Variants in TMEM131 observed in about 807,000 individuals in gnomAD.
The protein encoded by TMEM131 is transmembrane protein 131.
TMEM131 carries 66 observed loss-of-function variants against 211.6 expected under a neutral mutation model. The observed-to-expected ratio is 0.31, with a 90% CI of 0.26 to 0.38. TMEM131 has a LOEUF of 0.38. Ranked by LOEUF, TMEM131 falls within the 10% of genes least tolerant of loss-of-function variation. The pLI, the probability that TMEM131 is intolerant of heterozygous loss-of-function variation, is 1.00. For missense variants in TMEM131, 2,036 were observed against 2,299.3 expected (o/e 0.89, Z 2.34); for synonymous variants, 844 against 841.3 (o/e 1.00, Z -0.06).
chr2:97,805,321 A>G, intron 21 of TMEM131, 55 bp downstream of exon 21: 7 of 1,588,068 alleles, frequency 4.4e-6, no homozygotes, highest in Middle Eastern at 3.3e-4. Context: ...GCCTCTTACT[A>G]AAAGAGTATT....
At chr2:97,917,496 T>G (rs1345667417) in intron 2 of TMEM131, among the ~76,000 whole-genome samples, 1 of 152,220 alleles carries the variant, frequency 6.6e-6, no homozygotes, top group East Asian at 1.9e-4. Flanking sequence ...GCTAACCATC[T>G]GCATTAGTCT....
At chr2:97,819,048 G>A (rs1317565246) in intron 11 of TMEM131, among the ~76,000 whole-genome samples, 1 of 152,156 alleles carries the variant, frequency 6.6e-6, no homozygotes, top group East Asian at 1.9e-4. Context: ...ACCAGTGGAG[G>A]CGACATGAAA....
rs535570855 is a variant in TMEM131, at chr2:97,892,549, T to A, written c.291-4429A>T. 3.3e-3 allele frequency among the ~76,000 whole-genome samples: 495 copies of A among 152,170 alleles called. 4 individuals carry two copies. The highest frequency in any genetic ancestry group is 5.1e-3 in the Non-Finnish European group (347 of 68,000). ...CTAATTTATTATTATTTTTTGTAGA[T>A]ACAGGGTGTCACTATGTTCCCCAGG... On this transcript the variant is annotated intron_variant, in intron 3 of 40. Coordinates refer to ENST00000186436, the MANE Select transcript of TMEM131 (RefSeq NM_015348.2).
At chr2:97,840,092 G>A (rs1339342241) in intron 7 of TMEM131, among the ~76,000 whole-genome samples, 2 of 152,240 alleles carry the variant, frequency 1.3e-5, no homozygotes, top group East Asian at 1.9e-4. Context: ...AAGGGTAAGA[G>A]TGTCTTCCCA....
intron 4 of TMEM131, among the ~76,000 whole-genome samples, chr2:97,872,508 C>T (rs776356812): frequency 2.0e-5 from 3 of 152,274 alleles, no homozygotes; most frequent in South Asian, 2.1e-4. Flanking sequence ...CTCCAGTCTG[C>T]GGCTCCCAGC....
chr2:97,789,592 C>T (rs1241243272), intron 31 of TMEM131, among the ~76,000 whole-genome samples: 1 of 152,186 alleles, frequency 6.6e-6, no homozygotes, highest in African/African-American at 2.4e-5. Context: ...AGAACGTGGC[C>T]TCAGGACGCC....
intron 33 of TMEM131, among the ~76,000 whole-genome samples, chr2:97,771,916 G>A (rs887220198): frequency 6.6e-6 from 1 of 152,170 alleles, no homozygotes; most frequent in Non-Finnish European, 1.5e-5. Context: ...TTAACAATTC[G>A]ACAGACTCAG....
intron 1 of TMEM131, among the ~76,000 whole-genome samples, chr2:97,981,415 C>T (rs1679791373): frequency 6.6e-6 from 1 of 152,122 alleles, no homozygotes; most frequent in Non-Finnish European, 1.5e-5. Flanking sequence ...AACTTCTTTC[C>T]ATTAAGGTTG....
chr2:97,939,758 G>T, intron 1 of TMEM131, among the ~76,000 whole-genome samples: 1 of 152,182 alleles, frequency 6.6e-6, no homozygotes, highest in South Asian at 2.1e-4. Context: ...GATGAACATC[G>T]ATGCAAAATC....
intron 1 of TMEM131, among the ~76,000 whole-genome samples, chr2:97,991,256 A>T (rs1680250198): frequency 6.6e-6 from 1 of 152,232 alleles, no homozygotes; most frequent in African/African-American, 2.4e-5. Context: ...GTAGCTAACA[A>T]GGCAGTACAC....
chr2:97,936,738 T>C (rs1490531347), intron 1 of TMEM131, among the ~76,000 whole-genome samples: 1 of 152,174 alleles, frequency 6.6e-6, no homozygotes, highest in East Asian at 1.9e-4. Flanking sequence ...TATATGTTAG[T>C]TGTCCAGTTT....
At chr2:97,931,832 T>C (rs1481210396) in intron 1 of TMEM131, among the ~76,000 whole-genome samples, 1 of 152,222 alleles carries the variant, frequency 6.6e-6, no homozygotes, top group African/African-American at 2.4e-5. Flanking sequence ...AGCATGCTGT[T>C]GTTATGGCTG....
At chr2:97,918,964 T>C (rs745963137) in intron 2 of TMEM131, among the ~76,000 whole-genome samples, 16 of 152,194 alleles carry the variant, frequency 1.1e-4, no homozygotes, top group Non-Finnish European at 1.5e-4. Flanking sequence ...ATTCACGTGA[T>C]GGGAAAGTGA....
chr2:97,869,756 T>C (rs1441901138), intron 4 of TMEM131, among the ~76,000 whole-genome samples: 1 of 152,190 alleles, frequency 6.6e-6, no homozygotes, highest in Non-Finnish European at 1.5e-5. Flanking sequence ...ATCTAGACCA[T>C]GGAAAGTACA....
chr2:97,809,737 C>T lies in TMEM131; in HGVS notation c.2006G>A (p.Gly669Asp). 1 of 1,609,590 alleles carries T rather than the reference C, an allele frequency of 6.2e-7. No homozygotes were observed. Among genetic ancestry groups the T allele is most frequent in the Non-Finnish European group, 8.5e-7 (1 of 1,177,980 alleles). Residue 669 changes from glycine (G) to aspartate (D), a missense_variant, in exon 19 of 41, where the codon GGC becomes GAC. By Grantham distance (94) the Gly-to-Asp change is moderately conservative. Around this residue, in one of 3 missense-constraint regions of TMEM131, gnomAD observed 1,623 missense variants for 1,805.9 expected, o/e 0.90. Transcript: ENST00000186436. ...GTGCTTAGGGAAGCAGGTCAGTGAG[C>T]CTACTGCAATCACAGCCTTCACAGG... ...TIPVKAVIAV[G>D]SLTCFPKHVV...
At chr2:97,872,486 G>T (rs11681535) in intron 4 of TMEM131, among the ~76,000 whole-genome samples, 7 of 151,892 alleles carry the variant, frequency 4.6e-5, no homozygotes, top group Non-Finnish European at 1.0e-4. Context: ...CAAGATGGCC[G>T]AACAGGAACA....
intron 4 of TMEM131, among the ~76,000 whole-genome samples, chr2:97,887,554 G>A (rs1488203460): frequency 1.3e-5 from 2 of 152,056 alleles, no homozygotes; most frequent in Non-Finnish European, 2.9e-5. Flanking sequence ...GGGGGAGGGT[G>A]TGCAGTGGTT....
chr2:97,912,482 A>AT (rs1037081910), intron 2 of TMEM131, among the ~76,000 whole-genome samples: 7 of 152,130 alleles, frequency 4.6e-5, no homozygotes, highest in Non-Finnish European at 7.4e-5. Flanking sequence ...CATGCCATGC[A>AT]TTTTTTTAAT....
rs371375358 is a variant in TMEM131, at chr2:97,814,039, T to G, written c.1549A>C (p.Asn517His). 6.2e-7 allele frequency: 1 copy of G among 1,601,420 alleles called. No homozygotes were observed. The highest frequency in any genetic ancestry group is 1.7e-4 in the Middle Eastern group (1 of 6,052). Reference protein sequence around the residue: ...PSTSSMHIDNNILLITNASKF... With the variant: ...PSTSSMHIDNHILLITNASKF... The stretch of plus-strand genomic sequence containing the variant: ...GAAGCATTGGTAATAAGTAAAATGT[T>G]GTTATCAATGTGCATGGATGATGTG... Residue 517 changes from asparagine to histidine, a missense_variant, in exon 15 of 41, where the codon AAC (asparagine) becomes CAC (histidine). By Grantham distance (68) the Asn-to-His change is moderately conservative. Transcript: ENST00000186436.
Sources: gnomAD v4.1 joint callset for allele counts (sites outside exome capture counted in the v4.1 genomes callset) on GRCh38, gnomAD v4.1.1 for gene constraint, gnomAD v4.1.1 regional missense constraint, MANE v1.5 for transcripts, NCBI Gene and HGNC (gene_info 2026-07-23, HGNC 2026-07-21) for gene names.